The following RNLS variants were observed in gnomAD, a reference collection of about 807,000 sequenced individuals.
RNLS encodes the protein renalase, FAD dependent amine oxidase, also known as renalase.
A neutral mutation model predicts 39.8 loss-of-function variants in RNLS; 39 were observed. The observed-to-expected ratio is 0.98, with a 90% confidence interval of 0.76 to 1.28. The LOEUF is 1.28. Ranked by LOEUF, RNLS falls within the 50% of genes most tolerant of loss-of-function variation. The pLI is 0.00. For missense variants in RNLS, 410 were observed against 413.3 expected, an observed-to-expected ratio of 0.99 and a Z score of 0.07; for synonymous variants, 147 against 150.7, an observed-to-expected ratio of 0.98 and a Z score of 0.18.
At chr10:88,370,805 A>C (rs780972363) in intron 4 of RNLS, among the ~76,000 whole-genome samples, 3 of 152,108 alleles carry the variant, frequency 2.0e-5, no homozygotes, top group Non-Finnish European at 4.4e-5. Flanking sequence ...TTGAAATTTT[A>C]CCACTCATGA....
chr10:88,362,549 G>A lies in RNLS; in HGVS notation c.700+3C>T, dbSNP rs1849718730. The A allele has an allele frequency of 6.2e-7, 1 of 1,613,034 alleles. No individual in the cohort carries two copies. Among genetic ancestry groups the A allele is most frequent in the East Asian group, 2.2e-5 (1 of 44,870 alleles). ...ATTTAAGGGAAATAATAGGGGTACTGACCTATATTGCGCTTCTTATTATCA... is the reference window on the plus strand; with the variant it reads ...ATTTAAGGGAAATAATAGGGGTACTAACCTATATTGCGCTTCTTATTATCA... On this transcript the variant is annotated splice_donor_region_variant and intron_variant, in intron 5 of 6. Transcript: ENST00000331772.
At chr10:88,430,607 G>A (rs1327173671) in intron 4 of RNLS, among the ~76,000 whole-genome samples, 3 of 151,732 alleles carry the variant, frequency 2.0e-5, no homozygotes, top group South Asian at 2.1e-4. Context: ...TTTTTACTAC[G>A]AAGTATGGTG....
intron 4 of RNLS, among the ~76,000 whole-genome samples, chr10:88,508,901 T>A (rs1202544268): frequency 1.3e-5 from 2 of 152,138 alleles, no homozygotes; most frequent in African/African-American, 4.8e-5. Context: ...CCTGATTTAC[T>A]ATCACTCTCC....
At chr10:88,549,880 A>G (rs1291135477) in intron 4 of RNLS, among the ~76,000 whole-genome samples, 5 of 152,230 alleles carry the variant, frequency 3.3e-5, no homozygotes, top group Admixed American at 1.3e-4. Context: ...ATAAAATATT[A>G]TTAGATTTAA....
At chr10:88,544,649 G>A (rs544869829) in intron 4 of RNLS, among the ~76,000 whole-genome samples, 1 of 152,260 alleles carries the variant, frequency 6.6e-6, no homozygotes, top group African/African-American at 2.4e-5. Context: ...TGTGGCCTGT[G>A]GGTAAGCAAC....
At position 88,395,446 on chromosome 10, in the gene RNLS, G is replaced by A. The variant is rs563495186; in HGVS notation, c.527-32721C>T. ...AAAACAGAAATTCTGGAATTGAGAAGTAAAATAACAGAAGAAAAAATTTTA... is the reference window on the plus strand; with the variant it reads ...AAAACAGAAATTCTGGAATTGAGAAATAAAATAACAGAAGAAAAAATTTTA... On this transcript the variant is annotated intron_variant, in intron 4 of 6. Transcript: ENST00000331772. Among the ~76,000 whole-genome samples the A allele has an allele frequency of 2.9e-4, 44 of 152,000 alleles. 1 individual carries two copies. Among genetic ancestry groups the A allele is most frequent in the East Asian group, 5.8e-4 (3 of 5,180 alleles).
downstream of RNLS, among the ~76,000 whole-genome samples, chr10:88,270,362 G>A (rs286487): frequency 0.74 from 112,019 of 151,918 alleles, 41,307 homozygotes; most frequent in East Asian, 0.79. Flanking sequence ...GATTTAGCTG[G>A]CTTGCCTCAG....
intron 5 of RNLS, among the ~76,000 whole-genome samples, chr10:88,341,318 A>C (rs892563187): frequency 6.7e-6 from 1 of 148,384 alleles, no homozygotes; most frequent in African/African-American, 2.5e-5. Context: ...AATGAGAGCA[A>C]AACTCCATCT....
intron 4 of RNLS, among the ~76,000 whole-genome samples, chr10:88,402,494 G>C (rs534585059): frequency 4.6e-4 from 70 of 151,966 alleles, no homozygotes; most frequent in African/African-American, 1.6e-3. Flanking sequence ...GACTTTAATA[G>C]TTTTACAGCT....
the RNLS span, among the ~76,000 whole-genome samples, chr10:88,252,412 C>T: frequency 2.0e-5 from 3 of 152,198 alleles, no homozygotes; most frequent in Non-Finnish European, 2.9e-5. Flanking sequence ...TACCCCCATA[C>T]AACTCCCACA....
At chr10:88,302,870 G>T (rs545676816) in intron 6 of RNLS, among the ~76,000 whole-genome samples, 3 of 152,074 alleles carry the variant, frequency 2.0e-5, no homozygotes, top group Admixed American at 6.6e-5. Context: ...GCAGGGAGAG[G>T]GGGGAGGCAA....
At chr10:88,227,842 G>A in the RNLS span, among the ~76,000 whole-genome samples, 6 of 152,140 alleles carry the variant, frequency 3.9e-5, no homozygotes, top group Admixed American at 6.5e-5. Flanking sequence ...TATTTCTGTC[G>A]TAGACGCTCG....
intron 4 of RNLS, among the ~76,000 whole-genome samples, chr10:88,556,733 T>G (rs138576665): frequency 6.6e-6 from 1 of 152,282 alleles, no homozygotes; most frequent in East Asian, 1.9e-4. Context: ...AGAGATTCTC[T>G]TGGTTTACAC....
intron 4 of RNLS, among the ~76,000 whole-genome samples, chr10:88,561,560 T>C (rs938136248): frequency 1.3e-5 from 2 of 152,086 alleles, no homozygotes; most frequent in Non-Finnish European, 2.9e-5. Flanking sequence ...ATATATTCCA[T>C]ATAAAGATTT....
chr10:88,449,259 T>G (rs931595967), intron 4 of RNLS, among the ~76,000 whole-genome samples: 1 of 152,240 alleles, frequency 6.6e-6, no homozygotes, highest in African/African-American at 2.4e-5. Flanking sequence ...CTCCACTGCC[T>G]TCCTCTCTGA....
chr10:88,431,036 A>G (rs1027697981), intron 4 of RNLS, among the ~76,000 whole-genome samples: 14 of 151,650 alleles, frequency 9.2e-5, no homozygotes, highest in African/African-American at 2.4e-5. Context: ...TTTCTGGAAG[A>G]ATTGTGTAGG....
chr10:88,390,708 G>C (rs1852146914), intron 4 of RNLS, among the ~76,000 whole-genome samples: 1 of 152,134 alleles, frequency 6.6e-6, no homozygotes, highest in Non-Finnish European at 1.5e-5. Context: ...TATTTTGGAA[G>C]TTTATGAGGG....
chr10:88,513,213 T>C (rs1846233013), intron 4 of RNLS, among the ~76,000 whole-genome samples: 1 of 152,184 alleles, frequency 6.6e-6, no homozygotes, highest in African/African-American at 2.4e-5. Flanking sequence ...GTCTTATACA[T>C]AGTCTTTGAC....
At chr10:88,571,383 G>A (rs576192503) in intron 4 of RNLS, among the ~76,000 whole-genome samples, 18 of 152,234 alleles carry the variant, frequency 1.2e-4, no homozygotes, top group African/African-American at 4.1e-4. Context: ...TGTGGTAATG[G>A]TTTTAAGAAT....
Sources: allele counts gnomAD v4.1 joint callset (sites outside exome capture counted in the v4.1 genomes callset), GRCh38; gene constraint gnomAD v4.1.1; transcripts MANE v1.5; gene names NCBI Gene and HGNC (gene_info 2026-07-23, HGNC 2026-07-21).